AIM2: variants seen among roughly 807,000 people sequenced by gnomAD.
AIM2 encodes the protein absent in melanoma 2.
A neutral mutation model predicts 27.7 loss-of-function variants in AIM2; 30 were observed. The observed-to-expected ratio is 1.08, with a 90% CI of 0.81 to 1.47. The LOEUF (loss-of-function observed/expected upper bound fraction) is 1.47, where lower values mean the gene tolerates loss of function less well. Among genes scored for constraint, AIM2 ranks in the 40% most tolerant of loss-of-function variants. The pLI, the probability that AIM2 is intolerant of heterozygous loss-of-function variation, is 0.00. For synonymous variants in AIM2, 141 were observed against 145.3 expected (o/e 0.97, Z 0.21); for missense variants, 358 against 411.3 (o/e 0.87, Z 1.12).
At chr1:159,093,955 T>C (rs945568993) in intron 1 of AIM2, among the ~76,000 whole-genome samples, 17 of 151,672 alleles carry the variant, frequency 1.1e-4, no homozygotes, top group African/African-American at 3.9e-4. Context: ...TTGGCCAGGA[T>C]GGTCTCGATC....
intron 3 of AIM2, 25 bp from the exon 4 acceptor site, chr1:159,066,354 C>A (rs768667075): frequency 6.3e-7 from 1 of 1,587,408 alleles, no homozygotes; most frequent in African/African-American, 1.4e-5. Flanking sequence ...AGAAAGATAT[C>A]AGCTGTGAGT....
At chr1:159,141,329 A>G (rs1043814667), upstream of AIM2, among the ~76,000 whole-genome samples, 22 of 152,176 alleles carry the variant, frequency 1.4e-4, no homozygotes, top group African/African-American at 5.1e-4. Context: ...CTTGGTCACT[A>G]TGTGCCAATT....
chr1:159,120,460 T>C (rs1302742741), intron 1 of AIM2, among the ~76,000 whole-genome samples: 1 of 152,182 alleles, frequency 6.6e-6, no homozygotes, highest in African/African-American at 2.4e-5. Context: ...ACTGCCTGTG[T>C]CATTATCACA....
At chr1:159,105,941 G>C (rs1016998617) in intron 1 of AIM2, among the ~76,000 whole-genome samples, 2 of 152,118 alleles carry the variant, frequency 1.3e-5, no homozygotes, top group Non-Finnish European at 2.9e-5. Context: ...GCTTCACTGA[G>C]GACCCACCCC....
chr1:159,058,962 C>T (rs558262659), downstream of AIM2, among the ~76,000 whole-genome samples: 6 of 152,242 alleles, frequency 3.9e-5, no homozygotes, highest in South Asian at 2.1e-4. Context: ...CTGCAAATGG[C>T]GCAAACTTCT....
At chr1:159,142,472 G>A (rs916905770), upstream of AIM2, among the ~76,000 whole-genome samples, 2 of 152,024 alleles carry the variant, frequency 1.3e-5, no homozygotes, top group African/African-American at 4.8e-5. Flanking sequence ...GAGGGTGAGA[G>A]TGGCAGATCT....
At chr1:159,109,607 A>T (rs1397483729) in intron 1 of AIM2, among the ~76,000 whole-genome samples, 2 of 152,232 alleles carry the variant, frequency 1.3e-5, no homozygotes, top group Non-Finnish European at 2.9e-5. Flanking sequence ...AGGAACAGTC[A>T]GCAGAGTAAA....
At chr1:159,110,586 G>A (rs913516113) in intron 1 of AIM2, among the ~76,000 whole-genome samples, 9 of 152,218 alleles carry the variant, frequency 5.9e-5, no homozygotes, top group Admixed American at 2.6e-4. Context: ...AACTGACACG[G>A]TCAGCCCACC....
chr1:159,078,963 C>A (rs1351496046), upstream of AIM2, among the ~76,000 whole-genome samples: 1 of 152,130 alleles, frequency 6.6e-6, no homozygotes, highest in Non-Finnish European at 1.5e-5. Flanking sequence ...ATTAAACTAA[C>A]TCATAAATAA....
chr1:159,132,627 A>G (rs893304825), intron 1 of AIM2, among the ~76,000 whole-genome samples: 5 of 152,190 alleles, frequency 3.3e-5, no homozygotes, highest in African/African-American at 4.8e-5. Context: ...CCTCTGTACA[A>G]CACACATATA....
At chr1:159,140,390 C>T (rs572306447) in intron 1 of AIM2, 1 of 152,126 alleles carries the variant, frequency 6.6e-6, no homozygotes, top group Admixed American at 6.5e-5. Context: ...ACATCAATCT[C>T]CCTCCAGGGT....
upstream of AIM2, among the ~76,000 whole-genome samples, chr1:159,141,507 A>G (rs1229957308): frequency 6.6e-6 from 1 of 152,140 alleles, no homozygotes. Flanking sequence ...ATTCTCAAGG[A>G]AAAGGGTTTC....
At chr1:159,089,001 T>C (rs1656986065) in intron 1 of AIM2, among the ~76,000 whole-genome samples, 1 of 152,246 alleles carries the variant, frequency 6.6e-6, no homozygotes, top group Admixed American at 6.5e-5. Flanking sequence ...ATCTCCATTT[T>C]CACATTTTAA....
intron 1 of AIM2, among the ~76,000 whole-genome samples, chr1:159,127,384 T>TGTCG (rs2102046232): frequency 6.6e-6 from 1 of 152,336 alleles, no homozygotes; most frequent in Non-Finnish European, 1.5e-5. Context: ...AACAGATCAG[T>TGTCG]GTCGGCCCTG....
intron 1 of AIM2, among the ~76,000 whole-genome samples, chr1:159,088,655 G>A (rs762771596): frequency 5.3e-5 from 8 of 152,270 alleles, no homozygotes; most frequent in African/African-American, 1.2e-4. Context: ...GTGATGAGTC[G>A]TGAGGGTTCT....
In AIM2 at chr1:159,128,832, A is replaced by G. The variant is rs374167083; in HGVS notation, c.-16+11599T>C. Among the ~76,000 whole-genome samples the G allele has an allele frequency of 2.0e-4, 30 of 152,310 alleles. 2 individuals are homozygous for G. Among genetic ancestry groups the G allele is most frequent in the Admixed American group, 1.1e-3 (17 of 15,304 alleles). On this transcript the variant is annotated intron_variant, in intron 1 of 2. Coordinates refer to the AIM2 transcript ENST00000368129. ...TTCATATTTTAATAATGATACTTCA[A>G]GATTTCTTCACTCCCCTTATATGTT...
chr1:159,092,795 G>A (rs570575734), intron 1 of AIM2, among the ~76,000 whole-genome samples: 1 of 152,206 alleles, frequency 6.6e-6, no homozygotes, highest in South Asian at 2.1e-4. Context: ...AGGCCTAGGT[G>A]GGCGGATCAA....
At chr1:159,109,456 C>G (rs79449400) in intron 1 of AIM2, among the ~76,000 whole-genome samples, 1 of 152,166 alleles carries the variant, frequency 6.6e-6, no homozygotes, top group Non-Finnish European at 1.5e-5. Flanking sequence ...TATAAAAATT[C>G]TAGAAGATAA....
chr1:159,134,320 C>T (rs76996919), intron 1 of AIM2, among the ~76,000 whole-genome samples: 1 of 152,242 alleles, frequency 6.6e-6, no homozygotes, highest in Non-Finnish European at 1.5e-5. Flanking sequence ...CAGCCTTCCA[C>T]TCTGTCCTCT....
Sources: allele counts gnomAD v4.1 joint callset (sites outside exome capture counted in the v4.1 genomes callset), GRCh38; gene constraint gnomAD v4.1.1; transcripts MANE v1.5; gene names NCBI Gene and HGNC (gene_info 2026-07-23, HGNC 2026-07-21).